GHR: variants seen among roughly 807,000 people sequenced by gnomAD.
The protein encoded by GHR is growth hormone receptor, also known as GH receptor.
In GHR, 35 loss-of-function variants were observed where a neutral mutation model predicts 67.1. The observed-to-expected ratio is 0.52, with a 90% CI of 0.40 to 0.69. The LOEUF (loss-of-function observed/expected upper bound fraction) is 0.69, where lower values mean the gene tolerates loss of function less well. Ranked by LOEUF, GHR falls within the 30% of genes least tolerant of loss-of-function variation. GHR has a pLI of 0.00. For missense variants in GHR, 792 were observed against 764.6 expected, an observed-to-expected ratio of 1.04 and a Z score of -0.42; for synonymous variants, 272 against 269.1, an observed-to-expected ratio of 1.01 and a Z score of -0.10.
intron 7 of GHR, among the ~76,000 whole-genome samples, chr5:42,712,710 C>T (rs563883686): frequency 6.2e-4 from 94 of 152,124 alleles, no homozygotes; most frequent in African/African-American, 2.3e-3. Flanking sequence ...TGCAAAGTAG[C>T]TGGCAGGTAC....
chr5:42,519,290 GGGA>G (rs1747373982), intron 1 of GHR, among the ~76,000 whole-genome samples: 1 of 152,062 alleles, frequency 6.6e-6, no homozygotes, highest in African/African-American at 2.4e-5. Context: ...CCTGAATTAT[GGGA>G]GAATAAGGGC....
chr5:42,651,409 G>T (rs1330752140), intron 3 of GHR, among the ~76,000 whole-genome samples: 2 of 152,132 alleles, frequency 1.3e-5, no homozygotes, highest in African/African-American at 2.4e-5. Flanking sequence ...AGAAGCTTTG[G>T]TGCGTGGTAG....
intron 3 of GHR, among the ~76,000 whole-genome samples, chr5:42,663,828 T>C (rs1057437427): frequency 2.0e-5 from 3 of 152,176 alleles, no homozygotes; most frequent in African/African-American, 4.8e-5. Flanking sequence ...GATGACATGA[T>C]TGTATATCTA....
intron 1 of GHR, among the ~76,000 whole-genome samples, chr5:42,454,429 G>A (rs1744175706): frequency 6.6e-6 from 1 of 152,208 alleles, no homozygotes; most frequent in East Asian, 1.9e-4. Flanking sequence ...CAGCCAGGAG[G>A]TGGTGTCTTT....
chr5:42,614,229 A>T (rs1376728938), intron 2 of GHR, among the ~76,000 whole-genome samples: 1 of 152,116 alleles, frequency 6.6e-6, no homozygotes, highest in African/African-American at 2.4e-5. Context: ...CACCGTTTTC[A>T]TCCAAATGTT....
At chr5:42,716,440 T>C (rs1158402134) in intron 8 of GHR, among the ~76,000 whole-genome samples, 1 of 152,152 alleles carries the variant, frequency 6.6e-6, no homozygotes, top group Non-Finnish European at 1.5e-5. Flanking sequence ...ATACAGTCTC[T>C]ATCACAGCTA....
At chr5:42,547,209 G>C (rs928981728) in intron 1 of GHR, among the ~76,000 whole-genome samples, 1 of 152,158 alleles carries the variant, frequency 6.6e-6, no homozygotes, top group Non-Finnish European at 1.5e-5. Flanking sequence ...ATGGTTTATT[G>C]CATATAAACA....
chr5:42,683,965 GTT>G (rs781000927), intron 3 of GHR, among the ~76,000 whole-genome samples: 1 of 146,314 alleles, frequency 6.8e-6, no homozygotes, highest in African/African-American at 2.5e-5. Flanking sequence ...TTCTTTTTAA[GTT>G]TTTTTTTTTG....
At chr5:42,658,904 G>A (rs1755407346) in intron 3 of GHR, among the ~76,000 whole-genome samples, 1 of 152,124 alleles carries the variant, frequency 6.6e-6, no homozygotes, top group African/African-American at 2.4e-5. Flanking sequence ...GAGTGGATGT[G>A]GATTAAAAGT....
At chr5:42,577,833 C>T (rs908875088) in intron 2 of GHR, among the ~76,000 whole-genome samples, 9 of 152,134 alleles carry the variant, frequency 5.9e-5, no homozygotes, top group African/African-American at 1.7e-4. Flanking sequence ...TCCAACAGTT[C>T]GGAATCAAAC....
intron 1 of GHR, among the ~76,000 whole-genome samples, chr5:42,560,802 T>C (rs1396435503): frequency 6.6e-6 from 1 of 152,188 alleles, no homozygotes; most frequent in East Asian, 1.9e-4. Context: ...CTATCTCTCA[T>C]CCACACATAC....
At chr5:42,689,132 T>A (rs2111659385) in intron 4 of GHR, 113 bp downstream of exon 4, 7 of 953,878 alleles carry the variant, frequency 7.3e-6, no homozygotes, top group Non-Finnish European at 1.2e-5. Flanking sequence ...ATGCAATCAA[T>A]GAATATTCAT....
chr5:42,443,958 G>GATATAGATAGAT lies in GHR; in HGVS notation c.-12+20006_-12+20007insTAGATAGATATA, dbSNP rs1554052073. The stretch of plus-strand genomic sequence containing the variant: ...CCAAGGTGATATAGATATAGATATA[G>GATATAGATAGAT]ATAGATATAGATATAGATATAGATA... On this transcript the variant is annotated intron_variant, in intron 1 of 9. Coordinates refer to ENST00000230882, the MANE Select transcript of GHR (RefSeq NM_000163.5). Among the ~76,000 whole-genome samples the GATATAGATAGAT allele has an allele frequency of 9.8e-4, 145 of 148,178 alleles. 1 individual carries two copies. The highest frequency in any genetic ancestry group is 1.3e-3 in the Admixed American group (20 of 14,924).
intron 2 of GHR, among the ~76,000 whole-genome samples, chr5:42,603,799 T>C (rs1171953471): frequency 6.6e-6 from 1 of 152,170 alleles, no homozygotes; most frequent in Non-Finnish European, 1.5e-5. Flanking sequence ...CAGTTTGGTG[T>C]CCTCTAATTC....
intron 7 of GHR, among the ~76,000 whole-genome samples, chr5:42,711,788 A>G (rs35291899): frequency 0.074 from 11,286 of 152,152 alleles, 638 homozygotes; most frequent in South Asian, 0.2. Context: ...TAGATATGTG[A>G]CATCTAAGAG....
chr5:42,631,733 T>C (rs1390897988), intron 3 of GHR, among the ~76,000 whole-genome samples: 2 of 152,152 alleles, frequency 1.3e-5, no homozygotes, highest in East Asian at 3.9e-4. Flanking sequence ...TTTACACGTT[T>C]CCTGTGTGTA....
intron 2 of GHR, among the ~76,000 whole-genome samples, chr5:42,586,950 G>A (rs1751506903): frequency 6.6e-6 from 1 of 151,856 alleles, no homozygotes; most frequent in Non-Finnish European, 1.5e-5. Flanking sequence ...AAAATATTGA[G>A]CTGTTGAGAG....
chr5:42,582,933 C>T (rs1751265658), intron 2 of GHR, among the ~76,000 whole-genome samples: 1 of 152,232 alleles, frequency 6.6e-6, no homozygotes, highest in Admixed American at 6.5e-5. Flanking sequence ...CCCATGCTTA[C>T]CCACTCACGT....
chr5:42,658,663 C>T (rs897479054), intron 3 of GHR, among the ~76,000 whole-genome samples: 4 of 151,992 alleles, frequency 2.6e-5, no homozygotes, highest in Admixed American at 6.6e-5. Context: ...CCCCAGGGGA[C>T]ATTTGGCAAT....
Sources: gnomAD v4.1 joint callset for allele counts (sites outside exome capture counted in the v4.1 genomes callset) on GRCh38, gnomAD v4.1.1 for gene constraint, MANE v1.5 for transcripts, NCBI Gene and HGNC (gene_info 2026-07-23, HGNC 2026-07-21) for gene names.